The following C3orf52 variants were observed in gnomAD, a reference collection of about 807,000 sequenced individuals.
The protein encoded by C3orf52 is TPA-induced transmembrane protein.
Under a neutral mutation model 24.8 loss-of-function variants are expected in C3orf52, and 22 were observed. The observed-to-expected ratio is 0.89, with a 90% CI of 0.63 to 1.27. C3orf52 has a LOEUF of 1.27. C3orf52 is among the 50% of genes most tolerant of loss of function. The probability of loss-of-function intolerance (pLI) is 0.00; values close to 1 mark genes in which losing one functional copy is unlikely to be tolerated. For synonymous variants in C3orf52, 93 were observed against 100.2 expected (o/e 0.93, Z 0.43); for missense variants, 265 against 260.7 (o/e 1.02, Z -0.11).
At chr3:112,124,460 T>C (rs1204679099) in intron 4 of C3orf52, among the ~76,000 whole-genome samples, 1 of 151,950 alleles carries the variant, frequency 6.6e-6, no homozygotes, top group African/African-American at 2.4e-5. Context: ...AATACAAAAA[T>C]TAGCCAGGTG....
At chr3:112,114,038 T>C (rs751888439) in intron 5 of C3orf52, among the ~76,000 whole-genome samples, 17 of 152,306 alleles carry the variant, frequency 1.1e-4, no homozygotes, top group African/African-American at 4.1e-4. Flanking sequence ...AAATACTAGT[T>C]GAATGAATGA....
At chr3:112,124,215 A>G (rs929054003) in intron 4 of C3orf52, among the ~76,000 whole-genome samples, 4 of 152,146 alleles carry the variant, frequency 2.6e-5, no homozygotes, top group African/African-American at 9.7e-5. Flanking sequence ...TTTATAAATT[A>G]CCCAGCTTTG....
At chr3:112,123,050 C>T (rs1455834094), downstream of C3orf52, 1 of 208,710 alleles carries the variant, frequency 4.8e-6, no homozygotes. Context: ...GTGAACTCCC[C>T]CTTGGGCACA....
chr3:112,123,098 G>A (rs2074230570), downstream of C3orf52: 2 of 251,522 alleles, frequency 8.0e-6, no homozygotes, highest in African/African-American at 2.2e-5. Flanking sequence ...TGACTTTAGA[G>A]AATGATCATG....
intron 4 of C3orf52, among the ~76,000 whole-genome samples, chr3:112,125,462 GA>G (rs1009276801): frequency 2.6e-5 from 4 of 152,206 alleles, no homozygotes; most frequent in African/African-American, 7.2e-5. Flanking sequence ...TGAGAGGTGA[GA>G]GGGGGGAGAC....
rs2074101942 is a variant in C3orf52, at chr3:112,113,110, GTC to G, written c.616_617del (p.Leu206GlyfsTer3). On this transcript the variant is annotated frameshift_variant, in exon 5 of 6. Coordinates refer to ENST00000264848, the MANE Select transcript of C3orf52 (RefSeq NM_024616.3). LOFTEE classifies it high-confidence loss of function. ...GATCAGAATATACCTGGTTGTGAGAGTCTGGGGCTTGATCCAACATCCCTCTT... is the reference window on the plus strand; with the variant it reads ...GATCAGAATATACCTGGTTGTGAGAGTGGGGCTTGATCCAACATCCCTCTT... 3 of 1,610,758 alleles carry G rather than the reference GTC, an allele frequency of 1.9e-6. No individual in the cohort carries two copies. The Admixed American group carries it at 5.0e-5, about 27-fold the overall frequency.
intron 2 of C3orf52, among the ~76,000 whole-genome samples, chr3:112,098,344 A>G (rs541965245): frequency 2.6e-4 from 40 of 152,162 alleles, no homozygotes; most frequent in Non-Finnish European, 4.0e-4. Context: ...TGATTTTGCT[A>G]TTTTTGCTCT....
downstream of C3orf52, chr3:112,132,842 G>T: frequency 2.2e-6 from 1 of 464,960 alleles, no homozygotes; most frequent in Non-Finnish European, 3.6e-6. Context: ...ACCTTCCTTG[G>T]TAAAGTCTTT....
At chr3:112,126,128 A>G (rs1004300699) in intron 4 of C3orf52, among the ~76,000 whole-genome samples, 1 of 152,154 alleles carries the variant, frequency 6.6e-6, no homozygotes, top group Non-Finnish European at 1.5e-5. Context: ...GAGTTTTAGC[A>G]TCTGGTCTTA....
chr3:112,117,254 A>C lies in C3orf52; in HGVS notation c.*608A>C, dbSNP rs2074143978. The C allele has an allele frequency of 2.2e-6, 1 of 464,166 alleles. No homozygotes were observed. The highest frequency in any genetic ancestry group is 3.8e-6 in the Non-Finnish European group (1 of 259,970). The allele number at this position is 464,166 out of a possible 1,614,324, so 28.8% of individuals were successfully genotyped here. ...GCTGTGAAGAAAAGGAAGGCACTTT[A>C]GAAGACCTCAGCAGTGTGGTTCTGT... On this transcript the variant is annotated 3_prime_UTR_variant, in exon 6 of 6. Coordinates refer to ENST00000264848, the MANE Select transcript of C3orf52 (RefSeq NM_024616.3).
downstream of C3orf52, chr3:112,130,527 T>C: frequency 1.2e-6 from 2 of 1,611,874 alleles, no homozygotes; most frequent in Admixed American, 1.7e-5. Context: ...AAACTCAACA[T>C]ATCAGAAACA....
Position 112,098,825 on chromosome 3 carries a change from A to G in C3orf52, c.269-4013A>G, listed in dbSNP as rs144042751. Among the ~76,000 whole-genome samples, 17 of 152,214 alleles carry G rather than the reference A, an allele frequency of 1.1e-4. No individual in the cohort carries two copies. In the East Asian group the frequency reaches 3.1e-3, roughly 28 times the overall value. ...AAAGGCAGCTTTCTGGGCCTCTTTTATAAGGGCACTAATACCATTCAAAAG... is the reference window on the plus strand; with the variant it reads ...AAAGGCAGCTTTCTGGGCCTCTTTTGTAAGGGCACTAATACCATTCAAAAG... On this transcript the variant is annotated intron_variant, in intron 2 of 5. Transcript: ENST00000264848.
At chr3:112,111,331 G>A (rs2074080470) in intron 4 of C3orf52, 1 of 152,270 alleles carries the variant, frequency 6.6e-6, no homozygotes, top group African/African-American at 2.4e-5. Flanking sequence ...CTTCCCAAAG[G>A]GTGCTGCTGC....
At chr3:112,119,002 A>G (rs1300881142), downstream of C3orf52, among the ~76,000 whole-genome samples, 1 of 152,192 alleles carries the variant, frequency 6.6e-6, no homozygotes, top group Non-Finnish European at 1.5e-5. Flanking sequence ...GAAGACAACA[A>G]TAAGAAAAGA....
intron 5 of C3orf52, among the ~76,000 whole-genome samples, chr3:112,114,363 A>G (rs550069872): frequency 6.7e-6 from 1 of 149,630 alleles, no homozygotes; most frequent in African/African-American, 2.5e-5. Flanking sequence ...CAGACACTAT[A>G]TGTGTGTGGA....
chr3:112,094,434 G>GA (rs1364695509), intron 2 of C3orf52, among the ~76,000 whole-genome samples: 1 of 152,120 alleles, frequency 6.6e-6, no homozygotes, highest in Non-Finnish European at 1.5e-5. Context: ...TATTTTGATT[G>GA]AAAAATGATA....
At chr3:112,096,164 T>C (rs1230322914) in intron 2 of C3orf52, among the ~76,000 whole-genome samples, 1 of 152,208 alleles carries the variant, frequency 6.6e-6, no homozygotes, top group African/African-American at 2.4e-5. Context: ...GAGGCGGAAG[T>C]GTTAACTTTT....
intron 5 of C3orf52, among the ~76,000 whole-genome samples, 178 bp downstream of exon 5, chr3:112,113,323 G>T (rs1050991908): frequency 1.3e-5 from 2 of 152,126 alleles, no homozygotes; most frequent in African/African-American, 4.8e-5. Context: ...TCCCCTCTCT[G>T]TGGAGGCTAC....
Position 112,116,629 on chromosome 3 carries a change from G to T in C3orf52, c.650-13G>T. On this transcript the variant is annotated splice_polypyrimidine_tract_variant and intron_variant, in intron 5 of 5. Transcript: ENST00000264848. ...AAATCAGTAACTTTTGTTCATCTGT[G>T]TTTTCTTTTTAGAATGAAGTGATGG... 6.4e-7 allele frequency: 1 copy of T among 1,553,084 alleles called. No homozygotes were observed. The highest frequency in any genetic ancestry group is 8.7e-7 in the Non-Finnish European group (1 of 1,146,874).
Sources: gnomAD v4.1 joint callset for allele counts (sites outside exome capture counted in the v4.1 genomes callset) on GRCh38, gnomAD v4.1.1 for gene constraint, MANE v1.5 for transcripts, NCBI Gene and HGNC (gene_info 2026-07-23, HGNC 2026-07-21) for gene names.